TESPA1: variants seen among roughly 807,000 people sequenced by gnomAD.
TESPA1 encodes the protein protein TESPA1.
Under a neutral mutation model 57.9 loss-of-function variants are expected in TESPA1, and 33 were observed. The observed-to-expected ratio is 0.57, with a 90% CI of 0.43 to 0.76. The LOEUF (loss-of-function observed/expected upper bound fraction) is 0.76, where lower values mean the gene tolerates loss of function less well. Among genes scored for constraint, TESPA1 ranks in the 30% least tolerant of loss-of-function variants. The pLI is 0.00. For synonymous variants in TESPA1, 227 were observed against 228.9 expected, an observed-to-expected ratio of 0.99 and a Z score of 0.07; for missense variants, 618 against 632.9, an observed-to-expected ratio of 0.98 and a Z score of 0.25.
At position 54,967,991 on chromosome 12, in the gene TESPA1, G is replaced by A. The variant is rs760248146; in HGVS notation, c.207-99C>T. 5.1e-6 allele frequency: 8 copies of A among 1,576,568 alleles called. No individual in the cohort carries two copies. The East Asian group carries it at 1.4e-4, about 27-fold the overall frequency. On this transcript the variant is annotated intron_variant, in intron 3 of 10. Transcript: ENST00000449076. ...ACACATATTCATATTCTTTTCCAGT[G>A]AGAGTCAGTAGTATTTAATTTGCTT...
At chr12:54,962,128 C>G (rs962483030) in intron 9 of TESPA1, among the ~76,000 whole-genome samples, 1 of 152,186 alleles carries the variant, frequency 6.6e-6, no homozygotes, top group Non-Finnish European at 1.5e-5. Flanking sequence ...AAACTGCTCT[C>G]CATTTGTAAT....
In TESPA1 at chr12:54,967,895, A is replaced by G. The variant is rs1951547756; in HGVS notation, c.207-3T>C. The stretch of plus-strand genomic sequence containing the variant: ...CAGAAAATCCTTCTTCAGAGTATCT[A>G]AACCAAAAACAGTCTTATAGGTTGA... On this transcript the variant is annotated splice_region_variant and splice_polypyrimidine_tract_variant and intron_variant, in intron 3 of 10. Coordinates refer to ENST00000449076, the MANE Select transcript of TESPA1 (RefSeq NM_001136030.3). The G allele has an allele frequency of 1.9e-6, 3 of 1,613,604 alleles. No homozygotes were observed. Among genetic ancestry groups the G allele is most frequent in the East Asian group, 4.5e-5 (2 of 44,864 alleles).
chr12:54,951,619 A>C (rs996378619), intron 10 of TESPA1, among the ~76,000 whole-genome samples: 1 of 150,870 alleles, frequency 6.6e-6, no homozygotes. Flanking sequence ...TTGTCACCCA[A>C]ATAAAAATAT....
chr12:54,971,776 T>C (rs1373721192), intron 3 of TESPA1, among the ~76,000 whole-genome samples: 1 of 152,148 alleles, frequency 6.6e-6, no homozygotes, highest in Non-Finnish European at 1.5e-5. Flanking sequence ...TTATTTTACT[T>C]CTAAAGTCAA....
At position 54,950,030 on chromosome 12, in the gene TESPA1, C is replaced by T. The variant is rs573704162; in HGVS notation, c.*362G>A. Reference sequence around the variant, plus strand: ...CTTGATCCTGAAGTCTCCTAACTGCCCTTGGCAATGTCAAAGCTTGGGAGA... The same window carrying T: ...CTTGATCCTGAAGTCTCCTAACTGCTCTTGGCAATGTCAAAGCTTGGGAGA... On this transcript the variant is annotated 3_prime_UTR_variant, in exon 11 of 11. Transcript: ENST00000449076. 3.2e-5 allele frequency: 7 copies of T among 218,656 alleles called. No homozygotes were observed. The East Asian group carries it at 9.2e-4, about 29-fold the overall frequency. 13.5% of individuals were successfully genotyped at this position (218,656 alleles called of 1,614,324 possible). A position where few individuals can be genotyped will look rare whatever the true frequency, so the allele number is the denominator to read the frequency against.
At chr12:54,964,501 T>A (rs1229212572) in intron 7 of TESPA1, among the ~76,000 whole-genome samples, 1 of 152,252 alleles carries the variant, frequency 6.6e-6, no homozygotes, top group African/African-American at 2.4e-5. Context: ...AGAAGTCCTG[T>A]GTCACAGAAG....
chr12:54,969,104 G>C (rs1951661062), intron 3 of TESPA1, among the ~76,000 whole-genome samples: 1 of 144,846 alleles, frequency 6.9e-6, no homozygotes, highest in Non-Finnish European at 1.5e-5. Flanking sequence ...CCTTTCAATA[G>C]CAAAAAAATC....
At chr12:54,977,042 G>A (rs998404305) in intron 1 of TESPA1, among the ~76,000 whole-genome samples, 2 of 151,610 alleles carry the variant, frequency 1.3e-5, no homozygotes, top group African/African-American at 4.9e-5. Context: ...TACCTTAATC[G>A]CTTTCACTGG....
At chr12:54,974,051 T>A in intron 2 of TESPA1, 1 of 380,548 alleles carries the variant, frequency 2.6e-6, no homozygotes, top group Non-Finnish European at 3.8e-6. Flanking sequence ...GACAGCATTG[T>A]GGCCAGAGTC....
At chr12:54,974,996 A>G (rs1390879081) in intron 1 of TESPA1, among the ~76,000 whole-genome samples, 1 of 152,222 alleles carries the variant, frequency 6.6e-6, no homozygotes, top group Admixed American at 6.5e-5. Context: ...AACATCTTTA[A>G]GTTTACAACT....
chr12:54,969,236 C>T (rs186414311), intron 3 of TESPA1, among the ~76,000 whole-genome samples: 54 of 151,234 alleles, frequency 3.6e-4, no homozygotes, highest in African/African-American at 1.2e-3. Flanking sequence ...TAATAATGCA[C>T]CTAGAACTAT....
At chr12:54,976,755 C>G (rs992484138) in intron 1 of TESPA1, among the ~76,000 whole-genome samples, 7 of 152,136 alleles carry the variant, frequency 4.6e-5, no homozygotes, top group African/African-American at 1.7e-4. Flanking sequence ...TAGCACAATT[C>G]CAGAATCTCA....
Position 54,983,288 on chromosome 12 carries a change from C to T in TESPA1, c.-46+1297G>A, listed in dbSNP as rs192431401. Among the ~76,000 whole-genome samples the T allele has an allele frequency of 4.6e-5, 7 of 152,262 alleles. No homozygotes were observed. The East Asian group carries it at 1.4e-3, about 29-fold the overall frequency. ...AATGGTTTCTAAACACCCTGGGGTG[C>T]ATGCGAATAACTCAGATGTTAAATT... On this transcript the variant is annotated intron_variant, in intron 1 of 10. Transcript: ENST00000449076.
At chr12:54,968,218 G>T (rs10783706) in intron 3 of TESPA1, among the ~76,000 whole-genome samples, 2 of 151,940 alleles carry the variant, frequency 1.3e-5, no homozygotes, top group Non-Finnish European at 2.9e-5. Flanking sequence ...GAAGCAAAAC[G>T]GGAGAATTAC....
intron 1 of TESPA1, among the ~76,000 whole-genome samples, chr12:54,977,595 A>G (rs141871862): frequency 3.2e-4 from 49 of 152,352 alleles, no homozygotes; most frequent in African/African-American, 1.2e-3. Context: ...CAGAATCCTT[A>G]ATGCTTAAGA....
rs1422220671 is a variant in TESPA1, at chr12:54,962,979, G to T, written c.919C>A (p.Pro307Thr). The T allele has an allele frequency of 1.2e-6, 2 of 1,613,564 alleles. No homozygotes were observed. The highest frequency in any genetic ancestry group is 2.2e-5 in the East Asian group (1 of 44,830). ...RDRPPPPHNTPKRNSLDQVVL... is the reference protein window; with the variant it reads ...RDRPPPPHNTTKRNSLDQVVL... Reference sequence around the variant, plus strand: ...ACTTGGTCCAAACTGTTCCTTTTGGGGGTGTTGTGGGGTGGTGGTGGCCGG... The same window carrying T: ...ACTTGGTCCAAACTGTTCCTTTTGGTGGTGTTGTGGGGTGGTGGTGGCCGG... Residue 307 changes from proline to threonine, a missense_variant, in exon 9 of 11, where the codon CCC becomes ACC. Pro to Thr is a conservative substitution (Grantham distance 38). Coordinates refer to ENST00000449076, the MANE Select transcript of TESPA1 (RefSeq NM_001136030.3).
At chr12:54,964,194 C>T (rs1008449748) in intron 7 of TESPA1, among the ~76,000 whole-genome samples, 1 of 152,138 alleles carries the variant, frequency 6.6e-6, no homozygotes, top group African/African-American at 2.4e-5. Flanking sequence ...GTACTTTGAA[C>T]AACTTATTGC....
At chr12:54,959,821 G>A (rs1234030391) in intron 10 of TESPA1, among the ~76,000 whole-genome samples, 2 of 152,142 alleles carry the variant, frequency 1.3e-5, no homozygotes, top group African/African-American at 4.8e-5. Flanking sequence ...TGCCAGACCA[G>A]CAACTGAAAC....
At chr12:54,969,276 T>A (rs1015276364) in intron 3 of TESPA1, among the ~76,000 whole-genome samples, 5 of 151,692 alleles carry the variant, frequency 3.3e-5, no homozygotes, top group African/African-American at 9.7e-5. Context: ...TAATATATAA[T>A]TACATAAAGT....
Sources: allele counts gnomAD v4.1 joint callset (sites outside exome capture counted in the v4.1 genomes callset), GRCh38; gene constraint gnomAD v4.1.1; transcripts MANE v1.5; gene names NCBI Gene and HGNC (gene_info 2026-07-23, HGNC 2026-07-21).